The following CLDN10 variants were observed in gnomAD, a reference collection of about 807,000 sequenced individuals.
CLDN10 encodes the protein claudin 10, also known as claudin-10.
CLDN10 carries 15 observed loss-of-function variants against 22.9 expected under a neutral mutation model. The observed-to-expected ratio is 0.65, with a 90% CI of 0.44 to 1.01. CLDN10 has a LOEUF of 1.01. Ranked by LOEUF, CLDN10 falls within the 50% of genes least tolerant of loss-of-function variation. CLDN10 has a pLI of 0.00. For synonymous variants in CLDN10, 114 were observed against 111.4 expected, an observed-to-expected ratio of 1.02 and a Z score of -0.15; for missense variants, 247 against 287.8, an observed-to-expected ratio of 0.86 and a Z score of 1.03.
intron 1 of CLDN10, among the ~76,000 whole-genome samples, chr13:95,451,109 CTG>C (rs1172022847): frequency 2.6e-5 from 4 of 152,184 alleles, no homozygotes; most frequent in Admixed American, 2.6e-4. Context: ...AAATGTGAGA[CTG>C]TATAATTCTT....
intron 1 of CLDN10, among the ~76,000 whole-genome samples, chr13:95,452,303 G>A (rs1183437202): frequency 6.6e-6 from 1 of 152,146 alleles, no homozygotes; most frequent in African/African-American, 2.4e-5. Flanking sequence ...CCTTTGGGTA[G>A]TAAGAAACAG....
intron 1 of CLDN10, among the ~76,000 whole-genome samples, chr13:95,491,830 G>C (rs765994334): frequency 3.9e-5 from 6 of 152,170 alleles, no homozygotes; most frequent in Non-Finnish European, 8.8e-5. Context: ...GAAGGCTGTT[G>C]TTCAGATTCT....
intron 1 of CLDN10, among the ~76,000 whole-genome samples, chr13:95,441,240 T>G (rs1566645895): frequency 6.6e-6 from 1 of 152,130 alleles, no homozygotes; most frequent in East Asian, 1.9e-4. Context: ...AAAAGAGCCA[T>G]GGATTTGTTT....
upstream of CLDN10, among the ~76,000 whole-genome samples, chr13:95,549,743 A>G (rs1350387650): frequency 6.6e-6 from 1 of 152,200 alleles, no homozygotes; most frequent in Non-Finnish European, 1.5e-5. Flanking sequence ...AACCTCATAG[A>G]AAGGAGAAAG....
At chr13:95,437,584 T>A (rs2042284297) in intron 1 of CLDN10, among the ~76,000 whole-genome samples, 1 of 152,218 alleles carries the variant, frequency 6.6e-6, no homozygotes, top group Non-Finnish European at 1.5e-5. Flanking sequence ...ATCTGTCATG[T>A]TCCTGTCGTG....
intron 3 of CLDN10, among the ~76,000 whole-genome samples, chr13:95,569,833 ATCTCGGC>A (rs1198427852): frequency 3.3e-5 from 5 of 149,494 alleles, no homozygotes; most frequent in African/African-American, 1.2e-4. Context: ...CAGTGGTGAG[ATCTCGGC>A]TCACTGCAAG....
At chr13:95,449,371 C>T (rs2042411355) in intron 1 of CLDN10, among the ~76,000 whole-genome samples, 1 of 152,026 alleles carries the variant, frequency 6.6e-6, no homozygotes, top group East Asian at 1.9e-4. Context: ...TCTGCCTCAG[C>T]CTCCCGAGTA....
intron 1 of CLDN10, among the ~76,000 whole-genome samples, chr13:95,447,068 T>C (rs950789282): frequency 2.0e-5 from 3 of 152,194 alleles, no homozygotes; most frequent in African/African-American, 4.8e-5. Flanking sequence ...TTGATATTTC[T>C]AGTTTATACG....
chr13:95,493,558 CTTTT>C lies in CLDN10; in HGVS notation c.214+59526_214+59529del, dbSNP rs372832325. Among the ~76,000 whole-genome samples the C allele has an allele frequency of 7.8e-4, 103 of 132,262 alleles. 1 individual carries two copies. Among genetic ancestry groups the C allele is most frequent in the Middle Eastern group, 4.1e-3 (1 of 246 alleles). The allele number at this position is 132,262 out of a possible 152,430, so 86.8% of individuals were successfully genotyped here. A position where few individuals can be genotyped will look rare whatever the true frequency, so the allele number is the denominator to read the frequency against. On this transcript the variant is annotated intron_variant, in intron 1 of 4. Transcript: ENST00000376873. ...TACCCTATATATTTGCCTACCCCCA[CTTTT>C]TTTTTTTTTTTTTTGAGACACAGTC... is the stretch of plus-strand genomic sequence containing the variant.
chr13:95,500,398 G>A (rs907913380), intron 1 of CLDN10, among the ~76,000 whole-genome samples: 2 of 152,200 alleles, frequency 1.3e-5, no homozygotes, highest in African/African-American at 4.8e-5. Flanking sequence ...GATCCAGGAA[G>A]GAGAGTGCGC....
intron 1 of CLDN10, among the ~76,000 whole-genome samples, chr13:95,445,527 T>C (rs1269897817): frequency 1.3e-5 from 2 of 152,216 alleles, no homozygotes; most frequent in Non-Finnish European, 2.9e-5. Context: ...TGGTGACTTA[T>C]GAGGAATGAG....
upstream of CLDN10, among the ~76,000 whole-genome samples, chr13:95,551,545 G>C (rs900470781): frequency 3.9e-5 from 6 of 152,042 alleles, no homozygotes; most frequent in Admixed American, 3.3e-4. Flanking sequence ...AAGTGACAAA[G>C]GGAAATTAAG....
At chr13:95,490,928 T>C (rs2138515529) in intron 1 of CLDN10, among the ~76,000 whole-genome samples, 1 of 152,320 alleles carries the variant, frequency 6.6e-6, no homozygotes, top group Non-Finnish European at 1.5e-5. Context: ...GTTTTATAAA[T>C]TTTGGAGCTC....
chr13:95,551,704 T>C (rs1210349258), upstream of CLDN10, among the ~76,000 whole-genome samples: 1 of 152,198 alleles, frequency 6.6e-6, no homozygotes, highest in Non-Finnish European at 1.5e-5. Flanking sequence ...ATAACAAAAC[T>C]GCAAGAACCT....
chr13:95,529,145 C>T (rs1439379502), intron 1 of CLDN10, among the ~76,000 whole-genome samples: 1 of 151,874 alleles, frequency 6.6e-6, no homozygotes, highest in Non-Finnish European at 1.5e-5. Context: ...CATATGGAGG[C>T]ATGCTGTTAC....
At chr13:95,510,726 G>A (rs747133045) in intron 1 of CLDN10, among the ~76,000 whole-genome samples, 1 of 151,712 alleles carries the variant, frequency 6.6e-6, no homozygotes, top group African/African-American at 2.4e-5. Context: ...AACAATTCTT[G>A]GAAGCACATA....
chr13:95,449,222 TG>T (rs1184247479), intron 1 of CLDN10, among the ~76,000 whole-genome samples: 2 of 152,164 alleles, frequency 1.3e-5, no homozygotes, highest in African/African-American at 4.8e-5. Context: ...ACCGACCTAG[TG>T]ACTTAAACTC....
chr13:95,531,538 CCT>C (rs1491449297), intron 1 of CLDN10, among the ~76,000 whole-genome samples: 5 of 151,566 alleles, frequency 3.3e-5, no homozygotes, highest in African/African-American at 1.2e-4. Context: ...CTCAGTATTA[CCT>C]TTTTTTTTGA....
chr13:95,498,548 C>T (rs1306228317), intron 1 of CLDN10, among the ~76,000 whole-genome samples: 2 of 152,082 alleles, frequency 1.3e-5, no homozygotes, highest in African/African-American at 4.8e-5. Flanking sequence ...GCACAAGCCA[C>T]CACGCCTGGC....
Sources: gnomAD v4.1 joint callset for allele counts (sites outside exome capture counted in the v4.1 genomes callset) on GRCh38, gnomAD v4.1.1 for gene constraint, MANE v1.5 for transcripts, NCBI Gene and HGNC (gene_info 2026-07-23, HGNC 2026-07-21) for gene names.